PACRG: variants seen among roughly 807,000 people sequenced by gnomAD.
PACRG encodes parkin coregulated gene protein.
Under a neutral mutation model 29.7 loss-of-function variants are expected in PACRG, and 29 were observed. The ratio of observed to expected loss-of-function variants is 0.98; its 90% CI spans 0.73 to 1.33. The LOEUF is 1.33. Among genes scored for constraint, PACRG ranks in the 40% most tolerant of loss-of-function variants. The probability of loss-of-function intolerance (pLI) is 0.00; values close to 1 mark genes in which losing one functional copy is unlikely to be tolerated. For synonymous variants in PACRG, 116 were observed against 118.7 expected (o/e 0.98, Z 0.15); for missense variants, 279 against 316.2 (o/e 0.88, Z 0.89).
chr6:162,755,556 C>G (rs1781848865), intron 1 of PACRG, among the ~76,000 whole-genome samples: 1 of 152,126 alleles, frequency 6.6e-6, no homozygotes, highest in South Asian at 2.1e-4. Context: ...CTGCCTCAGC[C>G]TCCTGAGTAG....
At chr6:162,787,736 T>G (rs1784621747) in intron 1 of PACRG, among the ~76,000 whole-genome samples, 2 of 151,144 alleles carry the variant, frequency 1.3e-5, no homozygotes. Flanking sequence ...TTGCAAAATA[T>G]TTTTTGAACA....
intron 2 of PACRG, among the ~76,000 whole-genome samples, chr6:162,817,698 T>C (rs75351103): frequency 0.022 from 3,400 of 152,288 alleles, 134 homozygotes; most frequent in African/African-American, 0.075. Context: ...GCCACGTGGT[T>C]ACCATATTAG....
intron 4 of PACRG, among the ~76,000 whole-genome samples, chr6:163,231,379 C>T (rs1392067599): frequency 6.6e-6 from 1 of 152,190 alleles, no homozygotes; most frequent in Non-Finnish European, 1.5e-5. Context: ...GGCCAGAGTT[C>T]CCTGCCCATA....
rs1562767780 is a variant in PACRG at position 162,947,644 on chromosome 6, A to ATG, written c.292-114505_292-114504insGT. Among the ~76,000 whole-genome samples, 143 of 73,674 alleles carry ATG rather than the reference A, an allele frequency of 1.9e-3. 6 individuals are homozygous for ATG. Among genetic ancestry groups the ATG allele is most frequent in the Middle Eastern group, 0.011 (1 of 92 alleles). The allele number at this position is 73,674 out of a possible 152,430, so 48.3% of individuals were successfully genotyped here. A position where few individuals can be genotyped will look rare whatever the true frequency, so the allele number is the denominator to read the frequency against. ...TATATATATATATATATATATATAT[A>ATG]TATACACCCAAAGATTCCACCAAAA... is the stretch of plus-strand genomic sequence containing the variant. On this transcript the variant is annotated intron_variant, in intron 2 of 4. Transcript: ENST00000366888.
At chr6:162,868,408 T>G (rs1792489065) in intron 2 of PACRG, among the ~76,000 whole-genome samples, 1 of 152,238 alleles carries the variant, frequency 6.6e-6, no homozygotes, top group South Asian at 2.1e-4. Flanking sequence ...AGGAAAGCGC[T>G]TCCCATAGTG....
chr6:163,169,421 G>A (rs1778962076), intron 4 of PACRG, among the ~76,000 whole-genome samples: 1 of 152,170 alleles, frequency 6.6e-6, no homozygotes, highest in African/African-American at 2.4e-5. Flanking sequence ...TCAAGATTCG[G>A]GTCAACTGTG....
upstream of PACRG, chr6:162,727,954 G>C (rs1779398418): frequency 8.4e-6 from 5 of 595,166 alleles, no homozygotes; most frequent in African/African-American, 1.9e-5. Context: ...GGGGCTATGC[G>C]CCCGCCGTGT....
intron 4 of PACRG, among the ~76,000 whole-genome samples, chr6:163,157,355 G>T (rs1314246344): frequency 6.6e-6 from 1 of 152,082 alleles, no homozygotes; most frequent in East Asian, 1.9e-4. Flanking sequence ...CCTCTGCAAA[G>T]CCTCCCAGGA....
chr6:163,176,814 C>G (rs1389030669), intron 4 of PACRG, among the ~76,000 whole-genome samples: 1 of 152,146 alleles, frequency 6.6e-6, no homozygotes. Context: ...ACATAAACAA[C>G]AAATTTGCAG....
At chr6:162,999,006 A>G (rs73609736) in intron 2 of PACRG, among the ~76,000 whole-genome samples, 7,273 of 152,264 alleles carry the variant, frequency 0.048, 450 homozygotes, top group African/African-American at 0.14. Flanking sequence ...GCCAGCAGTC[A>G]CAGCACCAGT....
At chr6:162,942,498 C>G (rs375407347) in intron 2 of PACRG, among the ~76,000 whole-genome samples, 1 of 152,254 alleles carries the variant, frequency 6.6e-6, no homozygotes, top group East Asian at 1.9e-4. Flanking sequence ...GGATAACCAG[C>G]TCCCAAACCT....
intron 4 of PACRG, among the ~76,000 whole-genome samples, chr6:163,154,693 A>G (rs915491602): frequency 6.6e-6 from 1 of 152,220 alleles, no homozygotes; most frequent in African/African-American, 2.4e-5. Flanking sequence ...TTTTTTAAAT[A>G]TAAGTATGTG....
rs149298189 is a variant in PACRG, at chr6:163,107,942, T to G, written c.613+18534T>G. Among the ~76,000 whole-genome samples the G allele has an allele frequency of 2.5e-3, 378 of 152,368 alleles. 1 individual carries two copies. Among genetic ancestry groups the G allele is most frequent in the African/African-American group, 8.5e-3 (355 of 41,582 alleles). ...CAAGTTTGCATTTCAAGTTATTTTA[T>G]AGCCTAGATATATAGGAATCCTGCT... On this transcript the variant is annotated intron_variant, in intron 4 of 4. Coordinates refer to ENST00000366888, the MANE Select transcript of PACRG (RefSeq NM_001080379.2).
intron 2 of PACRG, among the ~76,000 whole-genome samples, chr6:163,036,833 CATCCATCCACCT>C (rs1181027682): frequency 1.5e-4 from 23 of 150,824 alleles, no homozygotes; most frequent in Non-Finnish European, 2.9e-4. Context: ...TCCATCCATC[CATCCATCCACCT>C]ATCCATCCAG....
At chr6:163,187,804 C>T (rs1156403045) in intron 4 of PACRG, 1 of 152,454 alleles carries the variant, frequency 6.6e-6, no homozygotes, top group Non-Finnish European at 1.5e-5. Flanking sequence ...GTGACCCCAC[C>T]TGCGCACTTA....
At chr6:163,312,835 C>G (rs1161865267) in intron 4 of PACRG, 4 of 423,890 alleles carry the variant, frequency 9.4e-6, no homozygotes, top group Non-Finnish European at 1.9e-5. Context: ...TCGTTGCAAC[C>G]TCGACCACCT....
Position 163,062,252 on chromosome 6 carries a change from C to T in PACRG, c.394C>T (p.His132Tyr). 24 of 1,614,098 alleles carry T rather than the reference C, an allele frequency of 1.5e-5. No homozygotes were observed. The highest frequency in any genetic ancestry group is 2.0e-5 in the Non-Finnish European group (24 of 1,180,018). Residue 132 changes from histidine (H) to tyrosine (Y), a missense_variant, in exon 3 of 5, where the codon CAC (histidine) becomes TAC (tyrosine). Transcript: ENST00000366888. ...TGAGTTTTTTGCTCGGCAAGGAATC[C>T]ACGACATGCTGGAACACGGTGGGAA... ...PYEFFARQGIHDMLEHGGNKI... is the reference protein window; with the variant it reads ...PYEFFARQGIYDMLEHGGNKI...
intron 2 of PACRG, among the ~76,000 whole-genome samples, chr6:162,972,684 G>A (rs1438660363): frequency 2.6e-5 from 4 of 152,094 alleles, no homozygotes; most frequent in Admixed American, 2.6e-4. Context: ...ATTGAAAGAC[G>A]AGAAGATCCC....
intron 4 of PACRG, chr6:163,100,859 T>C (rs981560598): frequency 7.1e-6 from 7 of 983,256 alleles, no homozygotes; most frequent in Non-Finnish European, 7.2e-6. Flanking sequence ...GCAAATATTA[T>C]TGATATTTTC....
Sources: gnomAD v4.1 joint callset for allele counts (sites outside exome capture counted in the v4.1 genomes callset) on GRCh38, gnomAD v4.1.1 for gene constraint, MANE v1.5 for transcripts, NCBI Gene and HGNC (gene_info 2026-07-23, HGNC 2026-07-21) for gene names.